The following RNF38 variants were observed in gnomAD, a reference collection of about 807,000 sequenced individuals.
RNF38 encodes E3 ubiquitin-protein ligase RNF38.
A neutral mutation model predicts 67.2 loss-of-function variants in RNF38; 15 were observed. That is an observed-to-expected ratio of 0.22 (90% CI 0.15 to 0.34). The LOEUF (loss-of-function observed/expected upper bound fraction) is 0.34. Ranked by LOEUF, RNF38 falls within the 10% of genes least tolerant of loss-of-function variation. The pLI is 1.00. For synonymous variants in RNF38, 220 were observed against 218.8 expected (o/e 1.01, Z -0.05); for missense variants, 524 against 639.9 (o/e 0.82, Z 1.95).
In RNF38 at chr9:36,351,022, A is replaced by G. The variant is rs1833652578; in HGVS notation, c.1263+93T>C. 4.5e-6 allele frequency: 4 copies of G among 894,068 alleles called. No homozygotes were observed. The South Asian group carries it at 4.5e-5, about 10-fold the overall frequency. The allele number at this position is 894,068 out of a possible 1,614,324, so 55.4% of individuals were successfully genotyped here. ...TCTTCCAATGTGGCCCAGGAAGCCA[A>G]AAGATTGGACACCTGTGGTTTAAAG... On this transcript the variant is annotated intron_variant, in intron 9 of 11. Coordinates refer to ENST00000259605, the MANE Select transcript of RNF38 (RefSeq NM_022781.5).
intron 2 of RNF38, among the ~76,000 whole-genome samples, chr9:36,377,332 TACC>T (rs1222986638): frequency 6.6e-6 from 1 of 152,186 alleles, no homozygotes; most frequent in Non-Finnish European, 1.5e-5. Context: ...AATCATCTTA[TACC>T]ACTGCAAAAA....
At chr9:36,461,812 A>T (rs541521465) in intron 1 of RNF38, among the ~76,000 whole-genome samples, 31 of 152,342 alleles carry the variant, frequency 2.0e-4, no homozygotes, top group African/African-American at 7.2e-4. Flanking sequence ...TAAGGGGAGA[A>T]ATAGTTTTGC....
At chr9:36,362,867 C>A (rs1171752666) in intron 4 of RNF38, among the ~76,000 whole-genome samples, 1 of 149,850 alleles carries the variant, frequency 6.7e-6, no homozygotes, top group Non-Finnish European at 1.5e-5. Flanking sequence ...CTCCTGACCT[C>A]GTGATCTGTC....
At chr9:36,469,067 G>A (rs1839932917) in intron 1 of RNF38, among the ~76,000 whole-genome samples, 1 of 152,082 alleles carries the variant, frequency 6.6e-6, no homozygotes. Context: ...AGCTGAGATC[G>A]CACCACTGGA....
At chr9:36,415,812 C>A (rs750678666) in intron 2 of RNF38, among the ~76,000 whole-genome samples, 2 of 152,056 alleles carry the variant, frequency 1.3e-5, no homozygotes, top group African/African-American at 4.8e-5. Context: ...GAAGTTGTAA[C>A]ATGGACAGAC....
At chr9:36,481,121 T>C (rs1407341571) in intron 1 of RNF38, among the ~76,000 whole-genome samples, 2 of 151,554 alleles carry the variant, frequency 1.3e-5, no homozygotes, top group Non-Finnish European at 2.9e-5. Flanking sequence ...TTCAAGCGAT[T>C]CTCCTGCTTC....
intron 10 of RNF38, among the ~76,000 whole-genome samples, chr9:36,343,621 C>T (rs1563993230): frequency 6.6e-6 from 1 of 151,924 alleles, no homozygotes; most frequent in Non-Finnish European, 1.5e-5. Context: ...GATTCAAAGC[C>T]ATTATTTAGC....
chr9:36,450,115 C>A (rs1037462316), intron 1 of RNF38, among the ~76,000 whole-genome samples: 3 of 152,116 alleles, frequency 2.0e-5, no homozygotes, highest in Non-Finnish European at 2.9e-5. Flanking sequence ...CATTTTTAAG[C>A]ATAAATTCAG....
intron 1 of RNF38, among the ~76,000 whole-genome samples, chr9:36,435,478 T>C (rs539329754): frequency 1.3e-5 from 2 of 152,188 alleles, no homozygotes; most frequent in African/African-American, 4.8e-5. Context: ...ATAATTTATA[T>C]TATTCTGTGA....
chr9:36,419,028 G>A (rs1265524521), intron 2 of RNF38, among the ~76,000 whole-genome samples: 1 of 152,084 alleles, frequency 6.6e-6, no homozygotes, highest in Non-Finnish European at 1.5e-5. Context: ...AGTCACAGAA[G>A]AAAAACTGGT....
intron 1 of RNF38, among the ~76,000 whole-genome samples, chr9:36,466,996 T>C (rs981411217): frequency 6.8e-6 from 1 of 147,472 alleles, no homozygotes; most frequent in Non-Finnish European, 1.5e-5. Flanking sequence ...CTGGTCAACA[T>C]GGCGAAACCC....
At chr9:36,417,103 A>G (rs1038696669) in intron 2 of RNF38, among the ~76,000 whole-genome samples, 3 of 152,032 alleles carry the variant, frequency 2.0e-5, no homozygotes, top group Non-Finnish European at 4.4e-5. Flanking sequence ...CTAAATTCGT[A>G]TCAGCTCCAG....
intron 9 of RNF38, among the ~76,000 whole-genome samples, chr9:36,349,938 C>G (rs570598754): frequency 1.4e-4 from 22 of 152,260 alleles, no homozygotes; most frequent in Admixed American, 7.2e-4. Flanking sequence ...GCAGCCTCCC[C>G]CTCCCGAGTA....
At chr9:36,458,806 A>G (rs1001463194) in intron 1 of RNF38, among the ~76,000 whole-genome samples, 2 of 152,228 alleles carry the variant, frequency 1.3e-5, no homozygotes, top group East Asian at 1.9e-4. Context: ...TTGAGAAACC[A>G]TAAGTTCACC....
intron 3 of RNF38, among the ~76,000 whole-genome samples, chr9:36,372,962 T>A (rs1835496347): frequency 2.0e-5 from 3 of 152,122 alleles, no homozygotes. Context: ...TCCCAGCACT[T>A]TGGGAGGCCG....
intron 1 of RNF38, among the ~76,000 whole-genome samples, chr9:36,469,286 A>G (rs1839938895): frequency 6.6e-6 from 1 of 152,112 alleles, no homozygotes; most frequent in Admixed American, 6.5e-5. Flanking sequence ...ATGGAGTGCT[A>G]TTCATTTAAC....
chr9:36,397,056 T>C (rs1837575864), intron 1 of RNF38, among the ~76,000 whole-genome samples: 1 of 143,740 alleles, frequency 7.0e-6, no homozygotes, highest in Non-Finnish European at 1.5e-5. Flanking sequence ...TACACATGTA[T>C]ATATACGTAT....
chr9:36,474,095 C>T (rs1378813848), intron 1 of RNF38, among the ~76,000 whole-genome samples: 4 of 151,712 alleles, frequency 2.6e-5, no homozygotes, highest in East Asian at 3.9e-4. Context: ...GGGCGGATCA[C>T]GAGGTCAGGA....
chr9:36,375,881 T>C (rs1835749468), intron 3 of RNF38, 53 bp downstream of exon 3: 3 of 1,511,434 alleles, frequency 2.0e-6, no homozygotes, highest in Non-Finnish European at 2.7e-6. Context: ...TTAAATATAC[T>C]CACAAATCTA....
Sources: allele counts gnomAD v4.1 joint callset (sites outside exome capture counted in the v4.1 genomes callset), GRCh38; gene constraint gnomAD v4.1.1; transcripts MANE v1.5; gene names NCBI Gene and HGNC (gene_info 2026-07-23, HGNC 2026-07-21).